The following TYW1 variants were observed in gnomAD, a reference collection of about 807,000 sequenced individuals.
TYW1 encodes tRNA-yW synthesizing protein 1 homolog.
Under a neutral mutation model 96.2 loss-of-function variants are expected in TYW1, and 46 were observed. That is an observed-to-expected ratio of 0.48 (90% CI 0.38 to 0.61). The LOEUF (loss-of-function observed/expected upper bound fraction) is 0.61. TYW1 is among the 20% of genes least tolerant of loss of function. The probability of loss-of-function intolerance (pLI) is 0.00; values close to 1 mark genes in which losing one functional copy is unlikely to be tolerated. For synonymous variants in TYW1, 274 were observed against 323.0 expected (o/e 0.85, Z 1.63); for missense variants, 684 against 909.6 (o/e 0.75, Z 3.19).
chr7:67,070,501 G>T (rs1382510952), intron 10 of TYW1, among the ~76,000 whole-genome samples: 1 of 151,844 alleles, frequency 6.6e-6, no homozygotes, highest in Admixed American at 6.6e-5. Context: ...CTTCACTGAG[G>T]TTTTTCTTTG....
At chr7:67,133,397 C>G (rs1045080078) in intron 13 of TYW1, among the ~76,000 whole-genome samples, 1 of 152,060 alleles carries the variant, frequency 6.6e-6, no homozygotes, top group African/African-American at 2.4e-5. Flanking sequence ...CCTACCTTGG[C>G]TTTCAAAAGT....
At position 67,083,531 on chromosome 7, in the gene TYW1, A is replaced by G. The variant is rs367797361; in HGVS notation, c.1376A>G (p.Gln459Arg). 58 of 1,614,054 alleles carry G rather than the reference A, an allele frequency of 3.6e-5. No homozygotes were observed. The African/African-American group carries it at 7.5e-4, about 21-fold the overall frequency. ...GAAAACCATCAGAACATGATTAAGC[A>G]GTTTAAAGGTATTTATCTTCCCTCT... Reference protein sequence around the residue: ...AIENHQNMIKQFKGVPGVKAE... With the variant: ...AIENHQNMIKRFKGVPGVKAE... The change falls in exon 11 of 16, where the codon CAG becomes CGG. Residue 459 changes from glutamine to arginine, a missense_variant. Gln to Arg is a conservative substitution (Grantham distance 43, BLOSUM62 1). Coordinates refer to ENST00000359626, the MANE Select transcript of TYW1 (RefSeq NM_018264.4).
intron 14 of TYW1, among the ~76,000 whole-genome samples, chr7:67,183,858 T>C (rs1262665299): frequency 1.3e-5 from 2 of 152,088 alleles, no homozygotes; most frequent in Non-Finnish European, 2.9e-5. Flanking sequence ...GACAAGGACT[T>C]GCTCTGTCAC....
intron 5 of TYW1, among the ~76,000 whole-genome samples, chr7:67,016,317 G>A (rs1050735741): frequency 6.6e-6 from 1 of 151,078 alleles, no homozygotes; most frequent in Non-Finnish European, 1.5e-5. Flanking sequence ...GGAGGCAGAG[G>A]CGGGCGGATC....
intron 13 of TYW1, among the ~76,000 whole-genome samples, chr7:67,179,867 T>TATATATATA (rs1354999902): frequency 2.2e-5 from 2 of 92,912 alleles, no homozygotes; most frequent in African/African-American, 9.5e-5. Flanking sequence ...ATATATATAT[T>TATATATATA]TTTTTTTTTT....
At chr7:67,146,220 A>G (rs1420061911) in intron 13 of TYW1, among the ~76,000 whole-genome samples, 1 of 152,150 alleles carries the variant, frequency 6.6e-6, no homozygotes, top group African/African-American at 2.4e-5. Context: ...TTTCTTCATA[A>G]TGATAGATTG....
At chr7:67,115,357 T>C (rs1797562831) in intron 12 of TYW1, among the ~76,000 whole-genome samples, 1 of 152,122 alleles carries the variant, frequency 6.6e-6, no homozygotes, top group Admixed American at 6.6e-5. Flanking sequence ...CTGATGCTTT[T>C]GTTTTACATT....
intron 3 of TYW1, among the ~76,000 whole-genome samples, chr7:67,008,146 A>G (rs1232931680): frequency 6.6e-6 from 1 of 152,262 alleles, no homozygotes; most frequent in Non-Finnish European, 1.5e-5. Flanking sequence ...GATGCAACTC[A>G]GGAACGGCCG....
intron 15 of TYW1, among the ~76,000 whole-genome samples, chr7:67,199,072 C>T (rs1800501305): frequency 6.6e-6 from 1 of 152,050 alleles, no homozygotes; most frequent in Admixed American, 6.6e-5. Context: ...TGGCATGAAC[C>T]TGTAGTCCCA....
chr7:67,149,731 T>TATCTATCC (rs2116158235), intron 13 of TYW1, among the ~76,000 whole-genome samples: 1 of 127,172 alleles, frequency 7.9e-6, no homozygotes, highest in Non-Finnish European at 1.7e-5. Context: ...AATATCTATC[T>TATCTATCC]ATCTATCTAT....
intron 12 of TYW1, among the ~76,000 whole-genome samples, chr7:67,104,943 G>A (rs1797191778): frequency 6.6e-6 from 1 of 152,200 alleles, no homozygotes; most frequent in African/African-American, 2.4e-5. Flanking sequence ...AATCAGCCTG[G>A]AAGTCTTTTG....
chr7:67,214,202 C>CAT (rs999595148), intron 15 of TYW1, among the ~76,000 whole-genome samples: 1 of 152,020 alleles, frequency 6.6e-6, no homozygotes, highest in Admixed American at 6.6e-5. Flanking sequence ...TTGTTTTCTA[C>CAT]ATATATATAT....
Position 67,195,220 on chromosome 7 carries a change from C to T in TYW1, c.1860C>T (p.His620=), listed in dbSNP as rs374575074. The part of the protein sequence containing the change: ...ESSASSLTMA[H]VPWHEEVVQF... Reference sequence around the variant, plus strand: ...CAGCAAGCAGTCTTACCATGGCCCACGTGCCCTGGCATGAGGAAGTGGTAC... The same window carrying T: ...CAGCAAGCAGTCTTACCATGGCCCATGTGCCCTGGCATGAGGAAGTGGTAC... The change falls in exon 15 of 16, where the codon CAC becomes CAT. Residue 620 remains histidine (H), a synonymous_variant. Coordinates refer to ENST00000359626, the MANE Select transcript of TYW1 (RefSeq NM_018264.4). The T allele has an allele frequency of 2.9e-5, 47 of 1,613,808 alleles. No individual in the cohort carries two copies. The African/African-American group carries it at 5.2e-4, about 18-fold the overall frequency.
chr7:67,202,923 C>T (rs556487131), intron 15 of TYW1, among the ~76,000 whole-genome samples: 3 of 152,320 alleles, frequency 2.0e-5, no homozygotes, highest in South Asian at 2.1e-4. Flanking sequence ...TAACGTCTTA[C>T]GTGATCATAG....
At chr7:67,145,100 A>G (rs1798566454) in intron 13 of TYW1, among the ~76,000 whole-genome samples, 1 of 144,608 alleles carries the variant, frequency 6.9e-6, no homozygotes, top group African/African-American at 2.6e-5. Flanking sequence ...TATTTTACAG[A>G]CCAATACAAT....
At chr7:67,225,008 T>C (rs1801512052) in intron 15 of TYW1, among the ~76,000 whole-genome samples, 1 of 151,934 alleles carries the variant, frequency 6.6e-6, no homozygotes, top group Admixed American at 6.6e-5. Flanking sequence ...CTGGCCAACA[T>C]GGCAAAACCC....
intron 13 of TYW1, among the ~76,000 whole-genome samples, chr7:67,122,138 AT>A (rs1272486735): frequency 6.6e-6 from 1 of 152,014 alleles, no homozygotes; most frequent in East Asian, 1.9e-4. Context: ...AAACTGAACT[AT>A]TTAATTCTTC....
chr7:67,192,351 T>C (rs1038195255), intron 14 of TYW1, among the ~76,000 whole-genome samples: 2 of 152,240 alleles, frequency 1.3e-5, no homozygotes, highest in African/African-American at 2.4e-5. Flanking sequence ...CAGTGCTTCA[T>C]GGCTATTTTT....
At chr7:67,111,066 C>T (rs1261880573) in intron 12 of TYW1, among the ~76,000 whole-genome samples, 1 of 152,068 alleles carries the variant, frequency 6.6e-6, no homozygotes, top group African/African-American at 2.4e-5. Context: ...TACAAAGAAA[C>T]AAGAATGTGG....
Sources: gnomAD v4.1 joint callset for allele counts (sites outside exome capture counted in the v4.1 genomes callset) on GRCh38, gnomAD v4.1.1 for gene constraint, MANE v1.5 for transcripts, NCBI Gene and HGNC (gene_info 2026-07-23, HGNC 2026-07-21) for gene names.